PPP2R3A: variants seen among roughly 807,000 people sequenced by gnomAD.
The protein encoded by PPP2R3A is protein phosphatase 2 regulatory subunit B''alpha, also known as serine/threonine-protein phosphatase 2A regulatory subunit B'' subunit alpha.
Under a neutral mutation model 106.9 loss-of-function variants are expected in PPP2R3A, and 80 were observed. The observed-to-expected ratio is 0.75, with a 90% CI of 0.62 to 0.90. The LOEUF (loss-of-function observed/expected upper bound fraction) is 0.90, where lower values mean the gene tolerates loss of function less well. Among genes scored for constraint, PPP2R3A ranks in the 40% least tolerant of loss-of-function variants. The pLI is 0.00. For missense variants in PPP2R3A, 1,386 were observed against 1,350.4 expected (o/e 1.03, Z -0.41); for synonymous variants, 483 against 468.3 (o/e 1.03, Z -0.41).
At chr3:136,076,257 A>G (rs1936589412) in intron 6 of PPP2R3A, among the ~76,000 whole-genome samples, 1 of 152,346 alleles carries the variant, frequency 6.6e-6, no homozygotes, top group East Asian at 1.9e-4. Context: ...TTGGTGAAAC[A>G]CAGAACAAGT....
At chr3:136,139,854 A>AAATT (rs902150225) in intron 13 of PPP2R3A, among the ~76,000 whole-genome samples, 5 of 151,058 alleles carry the variant, frequency 3.3e-5, no homozygotes. Context: ...AAAATAAAAA[A>AAATT]AATTAGCTAG....
intron 1 of PPP2R3A, among the ~76,000 whole-genome samples, chr3:135,984,690 A>G (rs1937582544): frequency 6.6e-6 from 1 of 152,180 alleles, no homozygotes; most frequent in Non-Finnish European, 1.5e-5. Context: ...CCATGATTGT[A>G]AGTGTCCTGA....
At chr3:136,090,450 T>C in intron 9 of PPP2R3A, 128 bp from the exon 10 acceptor site, 1 of 664,048 alleles carries the variant, frequency 1.5e-6, no homozygotes, top group East Asian at 2.8e-5. Context: ...GGTTGCCCTT[T>C]ATGAGGCATT....
chr3:136,114,324 C>T (rs1485693942), intron 13 of PPP2R3A, among the ~76,000 whole-genome samples: 1 of 152,298 alleles, frequency 6.6e-6, no homozygotes, highest in African/African-American at 2.4e-5. Flanking sequence ...GTTTCAAGCA[C>T]AAAACTGGGC....
At chr3:136,037,191 C>CT (rs1290954852) in intron 3 of PPP2R3A, among the ~76,000 whole-genome samples, 5 of 152,208 alleles carry the variant, frequency 3.3e-5, no homozygotes, top group Non-Finnish European at 7.3e-5. Flanking sequence ...CTAGAAAACT[C>CT]TGTGTTTATG....
intron 8 of PPP2R3A, among the ~76,000 whole-genome samples, chr3:136,084,714 A>G (rs1936877204): frequency 6.6e-6 from 1 of 152,260 alleles, no homozygotes; most frequent in South Asian, 2.1e-4. Flanking sequence ...GGACCTGCCC[A>G]AGGCCATGGG....
At chr3:136,109,626 CA>C (rs1311139612) in intron 13 of PPP2R3A, among the ~76,000 whole-genome samples, 1 of 152,124 alleles carries the variant, frequency 6.6e-6, no homozygotes, top group African/African-American at 2.4e-5. Context: ...TATTAGGCCA[CA>C]AACAACACTT....
chr3:136,040,744 G>C (rs757404495), intron 3 of PPP2R3A, 115 bp from the exon 4 acceptor site: 101 of 737,522 alleles, frequency 1.4e-4, no homozygotes, highest in Non-Finnish European at 2.0e-4. Context: ...TTGTTCTCCT[G>C]AGGGCTCTTC....
intron 2 of PPP2R3A, among the ~76,000 whole-genome samples, chr3:136,024,062 A>G (rs1252942998): frequency 6.6e-6 from 1 of 152,140 alleles, no homozygotes. Context: ...TGCTACAGTG[A>G]CATAATAGCA....
chr3:136,046,629 A>C (rs1316620659), intron 4 of PPP2R3A, among the ~76,000 whole-genome samples: 1 of 152,226 alleles, frequency 6.6e-6, no homozygotes, highest in African/African-American at 2.4e-5. Context: ...CAACATCAAA[A>C]GATAAAGGAA....
intron 13 of PPP2R3A, among the ~76,000 whole-genome samples, chr3:136,113,475 C>G (rs1450039674): frequency 6.6e-6 from 1 of 152,014 alleles, no homozygotes; most frequent in Non-Finnish European, 1.5e-5. Context: ...ATACAAAAGT[C>G]AATGCAAGAT....
intron 6 of PPP2R3A, 74 bp from the exon 7 acceptor site, chr3:136,078,293 C>T: frequency 2.0e-6 from 2 of 1,005,240 alleles, no homozygotes; most frequent in Non-Finnish European, 3.1e-6. Context: ...CAAGTATGTT[C>T]ATAAAATGGC....
chr3:136,049,370 C>T lies in PPP2R3A; in HGVS notation c.2469+9C>T. On this transcript the variant is annotated intron_variant, in intron 5 of 13. Transcript: ENST00000264977. The stretch of plus-strand genomic sequence containing the variant: ...TCATCCCTCTACTTCAGGTAATTTT[C>T]ATCTCCTTTTGAAAATGGGTTCTAA... 1.9e-6 allele frequency: 3 copies of T among 1,584,024 alleles called. No individual in the cohort carries two copies. The highest frequency in any genetic ancestry group is 2.2e-5 in the East Asian group (1 of 44,686).
intron 13 of PPP2R3A, among the ~76,000 whole-genome samples, chr3:136,114,688 A>G (rs1434679207): frequency 6.6e-6 from 1 of 152,152 alleles, no homozygotes; most frequent in Non-Finnish European, 1.5e-5. Flanking sequence ...GTGGGAGCGC[A>G]CCGCAGCTCA....
intron 1 of PPP2R3A, among the ~76,000 whole-genome samples, chr3:135,977,562 A>T (rs1372258035): frequency 6.6e-6 from 1 of 152,218 alleles, no homozygotes; most frequent in Non-Finnish European, 1.5e-5. Context: ...ACTGTTGGTT[A>T]AAGATGGAGC....
At position 136,001,445 on chromosome 3, in the gene PPP2R3A, C is replaced by T; in HGVS notation, c.-54C>T. On this transcript the variant is annotated 5_prime_UTR_variant, in exon 2 of 14. Transcript: ENST00000264977. ...GCTAACTGTCATTTAGGAGAATTTTCATGAAACAAGTTCTAGAAAGTTCCA... is the reference window on the plus strand; with the variant it reads ...GCTAACTGTCATTTAGGAGAATTTTTATGAAACAAGTTCTAGAAAGTTCCA... 2.1e-6 allele frequency: 3 copies of T among 1,444,726 alleles called. No individual in the cohort carries two copies. The highest frequency in any genetic ancestry group is 2.8e-6 in the Non-Finnish European group (3 of 1,055,326). The allele number at this position is 1,444,726 out of a possible 1,614,324, so 89.5% of individuals were successfully genotyped here.
At chr3:136,124,834 C>T (rs1366729699) in intron 13 of PPP2R3A, among the ~76,000 whole-genome samples, 1 of 151,868 alleles carries the variant, frequency 6.6e-6, no homozygotes, top group East Asian at 1.9e-4. Context: ...GTAGGTACTA[C>T]AGAAGTTAAA....
intron 1 of PPP2R3A, among the ~76,000 whole-genome samples, chr3:135,977,431 T>C (rs1041500112): frequency 3.3e-5 from 5 of 152,192 alleles, no homozygotes; most frequent in Non-Finnish European, 7.3e-5. Flanking sequence ...TTAGAAGATA[T>C]TGCTTGAATG....
intron 13 of PPP2R3A, among the ~76,000 whole-genome samples, chr3:136,132,421 G>A (rs562476624): frequency 5.9e-5 from 9 of 152,090 alleles, no homozygotes; most frequent in Admixed American, 5.2e-4. Context: ...CACAATCTCA[G>A]AATACAAGCT....
Sources: allele counts gnomAD v4.1 joint callset (sites outside exome capture counted in the v4.1 genomes callset), GRCh38; gene constraint gnomAD v4.1.1; transcripts MANE v1.5; gene names NCBI Gene and HGNC (gene_info 2026-07-23, HGNC 2026-07-21).